The following PKHD1 variants were observed in gnomAD, a reference collection of about 807,000 sequenced individuals.
PKHD1 encodes fibrocystin.
A neutral mutation model predicts 412.0 loss-of-function variants in PKHD1; 291 were observed. The observed-to-expected ratio is 0.71, with a 90% confidence interval of 0.64 to 0.78. The LOEUF (loss-of-function observed/expected upper bound fraction) is 0.78. PKHD1 is among the 30% of genes least tolerant of loss of function. The pLI is 0.00. For synonymous variants in PKHD1, 1,777 were observed against 1,821.5 expected, an observed-to-expected ratio of 0.98 and a Z score of 0.62; for missense variants, 4,825 against 4,950.7, an observed-to-expected ratio of 0.97 and a Z score of 0.76.
At chr6:51,939,068 C>G (rs1161065387) in intron 36 of PKHD1, among the ~76,000 whole-genome samples, 2 of 151,638 alleles carry the variant, frequency 1.3e-5, no homozygotes, top group East Asian at 3.9e-4. Flanking sequence ...CCTGATTATT[C>G]ACCCACATTT....
intron 48 of PKHD1, among the ~76,000 whole-genome samples, chr6:51,865,865 T>C (rs1378564794): frequency 6.6e-6 from 1 of 152,200 alleles, no homozygotes; most frequent in African/African-American, 2.4e-5. Context: ...GAGGTTATAA[T>C]GCTTTGGGAC....
At chr6:51,775,607 A>G (rs1790895773) in intron 54 of PKHD1, among the ~76,000 whole-genome samples, 1 of 151,914 alleles carries the variant, frequency 6.6e-6, no homozygotes, top group Admixed American at 6.6e-5. Context: ...GTCGTTCATC[A>G]TCTCTGAGTC....
chr6:52,057,453 T>A (rs1191060167), intron 16 of PKHD1, among the ~76,000 whole-genome samples: 1 of 152,020 alleles, frequency 6.6e-6, no homozygotes, highest in African/African-American at 2.4e-5. Flanking sequence ...AGTTTCACTC[T>A]GTCACCAGGC....
intron 53 of PKHD1, among the ~76,000 whole-genome samples, chr6:51,787,797 T>G (rs1326562): frequency 0.59 from 88,749 of 151,616 alleles, 26,692 homozygotes; most frequent in East Asian, 0.83. Context: ...AATTTTTCAG[T>G]CAGCAAGCTA....
At chr6:51,671,916 C>T (rs1349559909) in intron 60 of PKHD1, among the ~76,000 whole-genome samples, 1 of 152,158 alleles carries the variant, frequency 6.6e-6, no homozygotes, top group Admixed American at 6.5e-5. Context: ...CTCAGATCTC[C>T]AGCTGCATGC....
intron 36 of PKHD1, among the ~76,000 whole-genome samples, chr6:51,935,381 G>A (rs375383430): frequency 4.6e-5 from 7 of 151,848 alleles, no homozygotes; most frequent in African/African-American, 1.5e-4. Context: ...TATATTTTAC[G>A]TAGAATTTTC....
intron 65 of PKHD1, among the ~76,000 whole-genome samples, chr6:51,632,026 C>T (rs10456647): frequency 0.24 from 35,759 of 150,792 alleles, 4,788 homozygotes; most frequent in Middle Eastern, 0.3. Context: ...CTGCAACCTC[C>T]ACCACCATCT....
At chr6:51,984,901 G>C (rs1796021828) in intron 35 of PKHD1, among the ~76,000 whole-genome samples, 1 of 152,000 alleles carries the variant, frequency 6.6e-6, no homozygotes, top group Non-Finnish European at 1.5e-5. Context: ...TCCAAGGATG[G>C]TGCTAAATCA....
chr6:51,895,697 C>T (rs1314204053), intron 43 of PKHD1, among the ~76,000 whole-genome samples: 3 of 152,280 alleles, frequency 2.0e-5, no homozygotes, highest in African/African-American at 7.2e-5. Context: ...CTCCGGTCTA[C>T]AGCTCCCAGT....
chr6:51,763,234 T>A (rs973667290), intron 55 of PKHD1, among the ~76,000 whole-genome samples: 1 of 152,074 alleles, frequency 6.6e-6, no homozygotes, highest in Non-Finnish European at 1.5e-5. Context: ...AAAATGCAGA[T>A]AATAATACCT....
Position 52,062,678 on chromosome 6 carries a change from C to T in PKHD1, c.977-18G>A, listed in dbSNP as rs1562262942. On this transcript the variant is annotated intron_variant, in intron 13 of 66. Coordinates refer to ENST00000371117, the MANE Select transcript of PKHD1 (RefSeq NM_138694.4). ...TCGATTGCCTGTAAGACATGTAGAT[C>T]GCATAAACATTACAGGGCGCACCTT... The T allele has an allele frequency of 9.3e-6, 15 of 1,613,924 alleles. No homozygotes were observed. Among genetic ancestry groups the T allele is most frequent in the East Asian group, 2.2e-5 (1 of 44,876 alleles).
intron 40 of PKHD1, 44 bp downstream of exon 40, chr6:51,909,225 AGTGCCTTAAACATG>A: frequency 8.3e-7 from 1 of 1,208,210 alleles, no homozygotes; most frequent in African/African-American, 1.5e-5. Flanking sequence ...CCATGCATGT[AGTGCCTTAAACATG>A]GGAGAAAGAA....
chr6:51,958,802 A>G (rs1190652935), intron 36 of PKHD1, among the ~76,000 whole-genome samples: 1 of 143,238 alleles, frequency 7.0e-6, no homozygotes, highest in Non-Finnish European at 1.5e-5. Context: ...TGGCATTCCC[A>G]TAGCCACTAG....
intron 50 of PKHD1, among the ~76,000 whole-genome samples, chr6:51,840,353 T>C (rs1465326826): frequency 6.6e-6 from 1 of 152,168 alleles, no homozygotes; most frequent in Admixed American, 6.5e-5. Context: ...GTGATTACCT[T>C]TGAGTCTTCT....
At chr6:51,738,319 G>T (rs1025724371) in intron 60 of PKHD1, among the ~76,000 whole-genome samples, 1 of 152,196 alleles carries the variant, frequency 6.6e-6, no homozygotes, top group Non-Finnish European at 1.5e-5. Flanking sequence ...TAAAACTGTG[G>T]TTAACAGAGA....
Position 51,659,546 on chromosome 6 carries a change from A to C in PKHD1, c.10580T>G (p.Leu3527Arg), listed in dbSNP as rs993211398. Residue 3527 changes from leucine to arginine, a missense_variant, in exon 61 of 67, where the codon CTG becomes CGG. Leu to Arg is a moderately radical substitution (Grantham distance 102). Transcript: ENST00000371117. ...PTLVQSASLL[L>R]NESIGANYFN... is the part of the protein sequence containing the mutation. ...ATAGTTGGCACCAATAGATTCATTC[A>C]GCAATAAGGAAGCTGACTGAACCAG... 3 of 1,613,662 alleles carry C rather than the reference A, an allele frequency of 1.9e-6. No homozygotes were observed. In the African/African-American group the frequency reaches 4.0e-5, roughly 22 times the overall value.
intron 59 of PKHD1, among the ~76,000 whole-genome samples, chr6:51,745,317 C>G (rs190688189): frequency 1.3e-5 from 2 of 152,236 alleles, no homozygotes; most frequent in East Asian, 3.9e-4. Context: ...AGTGATAAAG[C>G]TATGAGGATT....
intron 63 of PKHD1, among the ~76,000 whole-genome samples, chr6:51,647,280 C>T (rs1200331412): frequency 6.6e-6 from 1 of 152,098 alleles, no homozygotes; most frequent in African/African-American, 2.4e-5. Context: ...GAACTTAGAA[C>T]TCAGAAACTA....
At chr6:52,026,414 G>A (rs544199206) in intron 31 of PKHD1, among the ~76,000 whole-genome samples, 5 of 152,264 alleles carry the variant, frequency 3.3e-5, no homozygotes, top group African/African-American at 9.6e-5. Context: ...TAGGAAGGAC[G>A]TCTTCAACAC....
Sources: gnomAD v4.1 joint callset for allele counts (sites outside exome capture counted in the v4.1 genomes callset) on GRCh38, gnomAD v4.1.1 for gene constraint, MANE v1.5 for transcripts, NCBI Gene and HGNC (gene_info 2026-07-23, HGNC 2026-07-21) for gene names.